Variants in DHRSX observed in about 807,000 individuals in gnomAD.
DHRSX encodes polyprenol dehydrogenase.
DHRSX carries 31 observed loss-of-function variants against 34.0 expected under a neutral mutation model. The observed-to-expected ratio is 0.91, with a 90% CI of 0.69 to 1.23. The LOEUF is 1.23. DHRSX is among the 50% of genes most tolerant of loss of function. The pLI is 0.00. For missense variants in DHRSX, 414 were observed against 428.1 expected, an observed-to-expected ratio of 0.97 and a Z score of 0.29; for synonymous variants, 201 against 183.8, an observed-to-expected ratio of 1.09 and a Z score of -0.76.
At chrX:2,362,837 C>T (rs1338984299) in intron 3 of DHRSX, among the ~76,000 whole-genome samples, 1 of 136,340 alleles carries the variant, frequency 7.3e-6, no homozygotes, top group African/African-American at 2.8e-5. Context: ...CATTTTATCA[C>T]CGTTCTATGG....
chrX:2,464,128 A>C (rs1217707127), intron 1 of DHRSX, among the ~76,000 whole-genome samples: 1 of 151,712 alleles, frequency 6.6e-6, no homozygotes, highest in African/African-American at 2.4e-5. Context: ...GACGGCCGCC[A>C]TGTACGCACT....
intron 3 of DHRSX, among the ~76,000 whole-genome samples, chrX:2,404,727 C>T (rs1333156610): frequency 3.9e-5 from 6 of 152,160 alleles, no homozygotes; most frequent in African/African-American, 1.4e-4. Flanking sequence ...CTTCCCCCTA[C>T]ACAGAGCTCC....
At chrX:2,350,923 C>T (rs2042781357) in intron 3 of DHRSX, among the ~76,000 whole-genome samples, 1 of 152,170 alleles carries the variant, frequency 6.6e-6, no homozygotes, top group African/African-American at 2.4e-5. Flanking sequence ...AGTTCATCTC[C>T]TCTGCAGGGA....
intron 3 of DHRSX, among the ~76,000 whole-genome samples, chrX:2,381,027 G>A (rs375218215): frequency 3.3e-4 from 50 of 152,066 alleles, no homozygotes; most frequent in African/African-American, 9.9e-4. Context: ...CACCACACCC[G>A]GCTAATTTTT....
At chrX:2,481,054 G>A (rs2044761695) in intron 1 of DHRSX, among the ~76,000 whole-genome samples, 1 of 152,110 alleles carries the variant, frequency 6.6e-6, no homozygotes, top group Non-Finnish European at 1.5e-5. Flanking sequence ...TAGCTTGAAT[G>A]TTAATGTGTT....
rs140348193 is a variant in DHRSX, at chrX:2,406,121, G to A, written c.286+2624C>T. The stretch of plus-strand genomic sequence containing the variant: ...AGCCTGGCCAACATGGCGAAACCCC[G>A]TCTCTATTAAAAATACAAAAATTAG... On this transcript the variant is annotated intron_variant, in intron 3 of 6. Coordinates refer to ENST00000334651, the MANE Select transcript of DHRSX (RefSeq NM_145177.3). 8.6e-5 allele frequency among the ~76,000 whole-genome samples: 13 copies of A among 151,998 alleles called. 1 individual carries two copies. Among genetic ancestry groups the A allele is most frequent in the African/African-American group, 2.9e-4 (12 of 41,494 alleles).
At chrX:2,248,159 C>T (rs2016342029) in intron 5 of DHRSX, among the ~76,000 whole-genome samples, 1 of 151,916 alleles carries the variant, frequency 6.6e-6, no homozygotes, top group Admixed American at 6.6e-5. Context: ...TTAGGCCGGG[C>T]ACGGTGGCTC....
chrX:2,264,638 G>A lies in DHRSX; in HGVS notation c.596+2102C>T, dbSNP rs1357416364. Among the ~76,000 whole-genome samples the A allele has an allele frequency of 6.2e-5, 9 of 145,540 alleles. No homozygotes were observed. The East Asian group carries it at 8.5e-4, about 14-fold the overall frequency. On this transcript the variant is annotated intron_variant, in intron 5 of 6. Transcript: ENST00000334651. ...ATGCCCAGCAGATGCAGGGAGCATC[G>A]TGCCCAGAACATCTGTGCCCAGCAG...
chrX:2,490,192 C>A, intron 1 of DHRSX: 1 of 1,614,004 alleles, frequency 6.2e-7, no homozygotes, highest in East Asian at 2.2e-5. Context: ...CGGCCCCGTA[C>A]TTCTCAGGGA....
chrX:2,239,405 C>A (rs780723723), intron 6 of DHRSX, among the ~76,000 whole-genome samples: 457 of 123,616 alleles, frequency 3.7e-3, no homozygotes, highest in Non-Finnish European at 3.7e-3. Context: ...GCCGTTTCTA[C>A]AAAAAAAAAA....
intron 5 of DHRSX, among the ~76,000 whole-genome samples, chrX:2,255,222 G>A (rs771539085): frequency 2.0e-5 from 3 of 152,190 alleles, no homozygotes; most frequent in African/African-American, 7.2e-5. Context: ...TCCGCTAAGA[G>A]AAAACAACCA....
chrX:2,325,432 G>T (rs1390131831), intron 3 of DHRSX, among the ~76,000 whole-genome samples: 1 of 152,142 alleles, frequency 6.6e-6, no homozygotes, highest in Non-Finnish European at 1.5e-5. Flanking sequence ...CATCTTCCCA[G>T]CAGGAACTAG....
Position 2,393,482 on chromosome X carries a change from C to CTG in DHRSX, c.286+15261_286+15262dup, listed in dbSNP as rs1297694782. On this transcript the variant is annotated intron_variant, in intron 3 of 6. Transcript: ENST00000334651. ...TGACACACAGGGACCTCCCCATCTC[C>CTG]TGCACACACATGACACACAGGGACC... Among the ~76,000 whole-genome samples, 6 of 133,370 alleles carry CTG rather than the reference C, an allele frequency of 4.5e-5. 1 individual carries two copies. The highest frequency in any genetic ancestry group is 1.8e-4 in the African/African-American group (6 of 33,896). The allele number at this position is 133,370 out of a possible 152,430, so 87.5% of individuals were successfully genotyped here. A position where few individuals can be genotyped will look rare whatever the true frequency, so the allele number is the denominator to read the frequency against.
chrX:2,500,591 A>C, intron 1 of DHRSX: 3 of 187,552 alleles, frequency 1.6e-5, no homozygotes, highest in Non-Finnish European at 2.1e-5. Context: ...GGGCCGGGCC[A>C]GGCGCGCAGA....
intron 4 of DHRSX, among the ~76,000 whole-genome samples, chrX:2,269,214 C>T (rs984591629): frequency 2.6e-5 from 4 of 152,046 alleles, no homozygotes; most frequent in Non-Finnish European, 5.9e-5. Context: ...TACATATTTT[C>T]CTATGCATAT....
rs1240427580 is a variant in DHRSX at position 2,291,649 on chromosome X, A to G, written c.287-46T>C. On this transcript the variant is annotated intron_variant, in intron 3 of 6. Coordinates refer to ENST00000334651, the MANE Select transcript of DHRSX (RefSeq NM_145177.3). ...AAAATACCTGGTTATCTCCCAACCT[A>G]TTTCAGAGATTAAGAAAATTTCTAA... is the stretch of plus-strand genomic sequence containing the variant. The G allele has an allele frequency of 3.6e-6, 5 of 1,396,794 alleles. No homozygotes were observed. In the Admixed American group the frequency reaches 8.5e-5, roughly 24 times the overall value. 86.5% of individuals were successfully genotyped at this position (1,396,794 alleles called of 1,614,324 possible). A position where few individuals can be genotyped will look rare whatever the true frequency, so the allele number is the denominator to read the frequency against.
intron 1 of DHRSX, among the ~76,000 whole-genome samples, chrX:2,451,314 C>T (rs2044214312): frequency 6.6e-6 from 1 of 151,916 alleles, no homozygotes; most frequent in African/African-American, 2.4e-5. Flanking sequence ...CCACCCTGGG[C>T]CCTGGAACTG....
At chrX:2,398,851 T>C (rs1466215519) in intron 3 of DHRSX, among the ~76,000 whole-genome samples, 1 of 151,542 alleles carries the variant, frequency 6.6e-6, no homozygotes, top group Non-Finnish European at 1.5e-5. Flanking sequence ...TGTATTTCTA[T>C]TTATTTGTTT....
intron 1 of DHRSX, among the ~76,000 whole-genome samples, chrX:2,434,503 C>T (rs949949273): frequency 6.6e-6 from 1 of 152,078 alleles, no homozygotes; most frequent in Non-Finnish European, 1.5e-5. Context: ...GACCCTACCT[C>T]TACAAAAATA....
Sources: gnomAD v4.1 joint callset for allele counts (sites outside exome capture counted in the v4.1 genomes callset) on GRCh38, gnomAD v4.1.1 for gene constraint, MANE v1.5 for transcripts, NCBI Gene and HGNC (gene_info 2026-07-23, HGNC 2026-07-21) for gene names.